Variants in ARHGAP32 observed in about 807,000 individuals in gnomAD.
ARHGAP32 encodes the protein Rho GTPase activating protein 32.
ARHGAP32 carries 51 observed loss-of-function variants against 186.5 expected under a neutral mutation model. The ratio of observed to expected loss-of-function variants is 0.27; its 90% CI spans 0.22 to 0.35. The LOEUF is 0.35. ARHGAP32 is among the 10% of genes least tolerant of loss of function. The pLI is 1.00. For synonymous variants in ARHGAP32, 950 were observed against 964.3 expected (o/e 0.99, Z 0.27); for missense variants, 2,186 against 2,623.5 (o/e 0.83, Z 3.64).
At chr11:129,126,090 C>A in intron 2 of ARHGAP32, 1 of 266,838 alleles carries the variant, frequency 3.7e-6, no homozygotes, top group Non-Finnish European at 7.5e-6. Context: ...CAATTATACC[C>A]TATCATACTA....
chr11:129,168,662 GAACT>G (rs1448242341), intron 1 of ARHGAP32, among the ~76,000 whole-genome samples: 1 of 151,952 alleles, frequency 6.6e-6, no homozygotes, highest in Non-Finnish European at 1.5e-5. Context: ...TTTCCAATGT[GAACT>G]AACACAGAAC....
intron 6 of ARHGAP32, among the ~76,000 whole-genome samples, chr11:129,086,795 TG>T (rs1941419530): frequency 7.6e-6 from 1 of 131,706 alleles, no homozygotes; most frequent in South Asian, 2.4e-4. Context: ...CACTCCAGCC[TG>T]GGCGACAGAG....
At chr11:129,152,628 G>GA (rs747860833) in intron 2 of ARHGAP32, among the ~76,000 whole-genome samples, 2 of 151,882 alleles carry the variant, frequency 1.3e-5, no homozygotes, top group African/African-American at 4.8e-5. Flanking sequence ...AAATTTATAA[G>GA]AAAAAATCAT....
At chr11:129,168,846 G>C (rs925862991) in intron 1 of ARHGAP32, among the ~76,000 whole-genome samples, 2 of 151,578 alleles carry the variant, frequency 1.3e-5, no homozygotes. Context: ...AAAAAGCAAT[G>C]ACTGAAAGAT....
intron 5 of ARHGAP32, among the ~76,000 whole-genome samples, chr11:129,122,870 A>G (rs1392967150): frequency 6.6e-6 from 1 of 152,056 alleles, no homozygotes; most frequent in African/African-American, 2.4e-5. Context: ...GGGGAAATAT[A>G]ATTTTTTAAA....
At chr11:129,042,591 C>T (rs749896905) in intron 10 of ARHGAP32, among the ~76,000 whole-genome samples, 1 of 151,994 alleles carries the variant, frequency 6.6e-6, no homozygotes, top group Non-Finnish European at 1.5e-5. Context: ...GGATATGGGA[C>T]ATGGTTAACA....
chr11:129,178,863 C>G lies in ARHGAP32; in HGVS notation c.116+13220G>C, dbSNP rs545705454. Among the ~76,000 whole-genome samples the G allele has an allele frequency of 1.7e-4, 26 of 151,910 alleles. 1 individual carries two copies. The highest frequency in any genetic ancestry group is 6.0e-4 in the African/African-American group (25 of 41,416). ...CCCTAGAAGAAAACCTAGGCATTAC[C>G]ATTCAGGACATAGGCATGGGCAAGA... On this transcript the variant is annotated intron_variant, in intron 1 of 22. Coordinates refer to ENST00000682385, the MANE Select transcript of ARHGAP32 (RefSeq NM_001378024.1).
At chr11:129,206,838 G>C (rs1326183196) in intron 1 of ARHGAP32, among the ~76,000 whole-genome samples, 1 of 151,692 alleles carries the variant, frequency 6.6e-6, no homozygotes, top group East Asian at 1.9e-4. Flanking sequence ...ATGTGCCATG[G>C]TGGTTTGCTG....
chr11:128,979,066 T>C, intron 18 of ARHGAP32, 151 bp from the exon 19 acceptor site: 1 of 592,640 alleles, frequency 1.7e-6, no homozygotes. Flanking sequence ...GACAGCACAC[T>C]CTACACAGTG....
At chr11:129,100,961 C>T (rs1941881104) in intron 5 of ARHGAP32, among the ~76,000 whole-genome samples, 1 of 152,222 alleles carries the variant, frequency 6.6e-6, no homozygotes, top group Non-Finnish European at 1.5e-5. Context: ...TATCACCACA[C>T]TATGAAATGC....
chr11:129,107,800 G>A (rs893161304), intron 5 of ARHGAP32, among the ~76,000 whole-genome samples: 14 of 149,838 alleles, frequency 9.3e-5, no homozygotes, highest in South Asian at 2.1e-4. Context: ...CCCAGGAGGC[G>A]GAGGTTGCAG....
At chr11:128,988,571 G>GT (rs1402585021) in intron 12 of ARHGAP32, among the ~76,000 whole-genome samples, 2 of 152,288 alleles carry the variant, frequency 1.3e-5, no homozygotes, top group Admixed American at 1.3e-4. Flanking sequence ...ATAATTACTT[G>GT]TAAGTGCTAC....
rs566909568 is a variant in ARHGAP32 at position 128,983,917 on chromosome 11, T to C, written c.1527-1981A>G. Among the ~76,000 whole-genome samples the C allele has an allele frequency of 3.8e-3, 579 of 152,278 alleles. 2 individuals are homozygous for C. Among genetic ancestry groups the C allele is most frequent in the African/African-American group, 0.013 (550 of 41,560 alleles). ...TATATTCAGCAGATGAGAGTGTGAA[T>C]TGTATAAAACTTCGCAACCTGGAAC... On this transcript the variant is annotated intron_variant, in intron 15 of 22. Coordinates refer to ENST00000682385, the MANE Select transcript of ARHGAP32 (RefSeq NM_001378024.1).
At chr11:129,069,415 C>T (rs1449175254) in intron 6 of ARHGAP32, among the ~76,000 whole-genome samples, 1 of 151,992 alleles carries the variant, frequency 6.6e-6, no homozygotes, top group Non-Finnish European at 1.5e-5. Flanking sequence ...CTGGGCTGAA[C>T]CTACCAAAAG....
intron 22 of ARHGAP32, 118 bp downstream of exon 22, chr11:128,972,335 C>A (rs1945400407): frequency 1.6e-6 from 2 of 1,214,694 alleles, no homozygotes; most frequent in African/African-American, 3.0e-5. Context: ...TGGAAACCAG[C>A]CACAGGGCTT....
At chr11:129,229,932 T>C (rs959781490) in intron 1 of ARHGAP32, among the ~76,000 whole-genome samples, 4 of 151,996 alleles carry the variant, frequency 2.6e-5, no homozygotes, top group African/African-American at 9.7e-5. Context: ...TCTGCCCACC[T>C]CAGTCTCCCT....
chr11:129,022,622 A>G (rs570868446), intron 11 of ARHGAP32, among the ~76,000 whole-genome samples: 1 of 152,320 alleles, frequency 6.6e-6, no homozygotes, highest in East Asian at 1.9e-4. Flanking sequence ...CATGAAGTGT[A>G]TGTGCCAAAC....
At chr11:129,028,330 G>A (rs537711399) in intron 11 of ARHGAP32, among the ~76,000 whole-genome samples, 1 of 152,202 alleles carries the variant, frequency 6.6e-6, no homozygotes, top group Non-Finnish European at 1.5e-5. Flanking sequence ...ACAAGCGAGG[G>A]AAGGGGGAAG....
intron 1 of ARHGAP32, among the ~76,000 whole-genome samples, chr11:129,271,669 T>C (rs533920837): frequency 2.6e-5 from 4 of 152,276 alleles, no homozygotes; most frequent in African/African-American, 7.2e-5. Flanking sequence ...TGAAATCACC[T>C]GAGGGACATT....
Sources: allele counts gnomAD v4.1 joint callset (sites outside exome capture counted in the v4.1 genomes callset), GRCh38; gene constraint gnomAD v4.1.1; transcripts MANE v1.5; gene names NCBI Gene and HGNC (gene_info 2026-07-23, HGNC 2026-07-21).